Variants in IGSF10 observed in about 807,000 individuals in gnomAD.
IGSF10 encodes calvaria mechanical force protein 608.
IGSF10 carries 126 observed loss-of-function variants against 128.2 expected under a neutral mutation model. The observed-to-expected ratio is 0.98, with a 90% CI of 0.85 to 1.14. IGSF10 has a LOEUF of 1.14. IGSF10 is among the 50% of genes most tolerant of loss of function. The pLI, the probability that IGSF10 is intolerant of heterozygous loss-of-function variation, is 0.00. For missense variants in IGSF10, 3,295 were observed against 3,149.8 expected, an observed-to-expected ratio of 1.05 and a Z score of -1.10; for synonymous variants, 1,185 against 1,146.2, an observed-to-expected ratio of 1.03 and a Z score of -0.68.
the IGSF10 span, among the ~76,000 whole-genome samples, chr3:151,546,494 T>C: frequency 6.7e-6 from 1 of 150,110 alleles, no homozygotes; most frequent in Non-Finnish European, 1.5e-5. Flanking sequence ...AGTACAGGTG[T>C]CCACAACCAT....
At chr3:151,504,794 TA>T in the IGSF10 span, among the ~76,000 whole-genome samples, 1 of 152,208 alleles carries the variant, frequency 6.6e-6, no homozygotes, top group Admixed American at 6.5e-5. Context: ...CGTGTTCAAG[TA>T]AGATAAATGC....
At chr3:151,571,066 A>G in the IGSF10 span, among the ~76,000 whole-genome samples, 1 of 152,128 alleles carries the variant, frequency 6.6e-6, no homozygotes, top group African/African-American at 2.4e-5. Context: ...GTTATTTCTG[A>G]GGCCTCTGTT....
At chr3:151,574,365 A>G in the IGSF10 span, among the ~76,000 whole-genome samples, 1 of 152,294 alleles carries the variant, frequency 6.6e-6, no homozygotes, top group Admixed American at 6.5e-5. Flanking sequence ...AATCAAACGT[A>G]GATTTGGTCT....
chr3:151,532,143 T>C, the IGSF10 span, among the ~76,000 whole-genome samples: 81 of 151,984 alleles, frequency 5.3e-4, no homozygotes, highest in African/African-American at 1.8e-3. Context: ...AGTCAAATCC[T>C]GGAACAGACC....
chr3:151,576,394 A>G, the IGSF10 span, among the ~76,000 whole-genome samples: 1 of 152,048 alleles, frequency 6.6e-6, no homozygotes, highest in African/African-American at 2.4e-5. Context: ...TCTCTGAATC[A>G]TCATCTTTCT....
At chr3:151,505,637 A>G in the IGSF10 span, among the ~76,000 whole-genome samples, 3 of 152,184 alleles carry the variant, frequency 2.0e-5, no homozygotes, top group African/African-American at 7.2e-5. Flanking sequence ...AAATCTTTCT[A>G]AAGATATGTT....
the IGSF10 span, among the ~76,000 whole-genome samples, chr3:151,578,641 T>C: frequency 1.3e-5 from 2 of 152,156 alleles, no homozygotes; most frequent in African/African-American, 4.8e-5. Flanking sequence ...CAATGGGAGA[T>C]AAAGAAAGCC....
At chr3:151,485,897 C>T in the IGSF10 span, among the ~76,000 whole-genome samples, 2 of 152,126 alleles carry the variant, frequency 1.3e-5, no homozygotes, top group Non-Finnish European at 2.9e-5. Context: ...CATCAACTAA[C>T]AGGCAAAATA....
intron 1 of IGSF10, 39 bp downstream of exon 1, chr3:151,460,907 T>TC (rs1381075222): frequency 4.0e-5 from 39 of 984,878 alleles, no homozygotes; most frequent in Non-Finnish European, 4.3e-5. Context: ...GGCGTGGGGT[T>TC]CCAGCCCTTT....
rs1415695286 is a variant in IGSF10 at position 151,436,395 on chromosome 3, C to G, written c.*294G>C. ...AAGTTCATTTTTTTACTGAAAAATT[C>G]AGGTACATTAGCCATTTGTTATTTT... On this transcript the variant is annotated 3_prime_UTR_variant, in exon 8 of 8. Coordinates refer to ENST00000282466, the MANE Select transcript of IGSF10 (RefSeq NM_178822.5). 2 of 238,972 alleles carry G rather than the reference C, an allele frequency of 8.4e-6. No homozygotes were observed. Among genetic ancestry groups the G allele is most frequent in the Non-Finnish European group, 1.6e-5 (2 of 123,616 alleles). The allele number at this position is 238,972 out of a possible 1,614,324, so 14.8% of individuals were successfully genotyped here.
chr3:151,449,924 G>A (rs549614884), intron 5 of IGSF10, among the ~76,000 whole-genome samples: 1 of 152,310 alleles, frequency 6.6e-6, no homozygotes, highest in African/African-American at 2.4e-5. Flanking sequence ...TAAAAGGAAG[G>A]GTCAAGGAAG....
At chr3:151,508,398 A>C in the IGSF10 span, among the ~76,000 whole-genome samples, 1 of 152,152 alleles carries the variant, frequency 6.6e-6, no homozygotes, top group Admixed American at 6.5e-5. Flanking sequence ...TTTGTGTAGC[A>C]TTAATAAGAC....
At chr3:151,569,117 G>C in the IGSF10 span, among the ~76,000 whole-genome samples, 4 of 152,252 alleles carry the variant, frequency 2.6e-5, no homozygotes, top group African/African-American at 9.6e-5. Flanking sequence ...TGTTGTGCAG[G>C]CTGGAGGGCA....
chr3:151,522,440 CT>C, the IGSF10 span, among the ~76,000 whole-genome samples: 4 of 152,074 alleles, frequency 2.6e-5, no homozygotes, highest in Non-Finnish European at 5.9e-5. Flanking sequence ...TGCAAAAATC[CT>C]CAAGAAAATG....
chr3:151,458,593 C>T lies in IGSF10; in HGVS notation c.117G>A (p.Thr39=), dbSNP rs755271534. Residue 39 remains threonine, a synonymous_variant, in exon 3 of 8, where the codon ACG becomes ACA. Coordinates refer to ENST00000282466, the MANE Select transcript of IGSF10 (RefSeq NM_178822.5). The part of the protein sequence containing the change: ...CPRRCACYMP[T]EVHCTFRYLT... ...GGTACCGAAATGTGCAGTGTACCTC[C>T]GTAGGCATATAACAGGCACAGCGGC... 1.3e-5 allele frequency: 21 copies of T among 1,614,014 alleles called. No individual in the cohort carries two copies. In the South Asian group the frequency reaches 1.9e-4, roughly 14 times the overall value.
chr3:151,499,067 C>G, the IGSF10 span, among the ~76,000 whole-genome samples: 1 of 152,066 alleles, frequency 6.6e-6, no homozygotes, highest in Non-Finnish European at 1.5e-5. Flanking sequence ...GTACATTTTA[C>G]TTTTGTACAT....
the IGSF10 span, among the ~76,000 whole-genome samples, chr3:151,563,641 C>T: frequency 6.6e-6 from 1 of 152,082 alleles, no homozygotes; most frequent in Non-Finnish European, 1.5e-5. Context: ...TTCACTTGGA[C>T]ATTTAGCTCT....
the IGSF10 span, among the ~76,000 whole-genome samples, chr3:151,616,289 C>G: frequency 6.6e-6 from 1 of 152,226 alleles, no homozygotes; most frequent in South Asian, 2.1e-4. Flanking sequence ...TTTGTTATTA[C>G]TCTTTTATTT....
the IGSF10 span, among the ~76,000 whole-genome samples, chr3:151,594,276 T>A: frequency 2.8e-3 from 430 of 152,224 alleles, 2 homozygotes; most frequent in African/African-American, 9.9e-3. Context: ...AGCAGAGATT[T>A]TTTTTTTAAG....
Sources: allele counts gnomAD v4.1 joint callset (sites outside exome capture counted in the v4.1 genomes callset), GRCh38; gene constraint gnomAD v4.1.1; transcripts MANE v1.5; gene names NCBI Gene and HGNC (gene_info 2026-07-23, HGNC 2026-07-21).